The following TNR variants were observed in gnomAD, a reference collection of about 807,000 sequenced individuals.
TNR encodes the protein tenascin R.
In TNR, 45 loss-of-function variants were observed where a neutral mutation model predicts 150.4. The observed-to-expected ratio is 0.30, with a 90% CI of 0.24 to 0.38. The LOEUF (loss-of-function observed/expected upper bound fraction) is 0.38, where lower values mean the gene tolerates loss of function less well. Ranked by LOEUF, TNR falls within the 10% of genes least tolerant of loss-of-function variation. The pLI, the probability that TNR is intolerant of heterozygous loss-of-function variation, is 1.00. For missense variants in TNR, 1,544 were observed against 1,759.1 expected (o/e 0.88, Z 2.19); for synonymous variants, 687 against 678.4 (o/e 1.01, Z -0.20).
At chr1:175,522,892 A>G (rs1324142337) in intron 2 of TNR, among the ~76,000 whole-genome samples, 1 of 152,226 alleles carries the variant, frequency 6.6e-6, no homozygotes, top group Non-Finnish European at 1.5e-5. Context: ...ATACCAATGG[A>G]TAATTTTATA....
At chr1:175,737,452 T>G (rs1213374240) in intron 1 of TNR, among the ~76,000 whole-genome samples, 1 of 152,212 alleles carries the variant, frequency 6.6e-6, no homozygotes, top group African/African-American at 2.4e-5. Context: ...GTTGACTAGC[T>G]TTATCATTAA....
chr1:175,375,689 A>G (rs1312284506), intron 9 of TNR, among the ~76,000 whole-genome samples: 1 of 152,162 alleles, frequency 6.6e-6, no homozygotes, highest in Non-Finnish European at 1.5e-5. Context: ...TGGCAAATAC[A>G]GGTGCCATAG....
intron 1 of TNR, among the ~76,000 whole-genome samples, chr1:175,647,119 G>C (rs185262696): frequency 1.1e-3 from 162 of 152,334 alleles, no homozygotes; most frequent in African/African-American, 3.8e-3. Flanking sequence ...GGCAGGCTCT[G>C]CCTGCAATAA....
intron 1 of TNR, among the ~76,000 whole-genome samples, chr1:175,732,193 C>T (rs1269032094): frequency 6.6e-6 from 1 of 152,222 alleles, no homozygotes; most frequent in African/African-American, 2.4e-5. Context: ...ATCTGCCTTC[C>T]ATATTCCTGC....
intron 9 of TNR, among the ~76,000 whole-genome samples, chr1:175,374,760 AG>A (rs1483260951): frequency 6.6e-6 from 1 of 152,226 alleles, no homozygotes; most frequent in Admixed American, 6.5e-5. Flanking sequence ...ATGAGGCCTA[AG>A]GCAGGTGCCC....
intron 2 of TNR, among the ~76,000 whole-genome samples, chr1:175,517,675 T>C (rs187850730): frequency 8.5e-5 from 13 of 152,292 alleles, no homozygotes; most frequent in Admixed American, 3.9e-4. Context: ...TTGGTTTTAG[T>C]ATAGTTAGTC....
At chr1:175,645,920 A>T (rs1441428111) in intron 1 of TNR, among the ~76,000 whole-genome samples, 2 of 151,360 alleles carry the variant, frequency 1.3e-5, no homozygotes, top group African/African-American at 4.9e-5. Flanking sequence ...CCTGCATATA[A>T]GACAAAGCCG....
chr1:175,605,575 T>C (rs1663379904), intron 1 of TNR, among the ~76,000 whole-genome samples: 1 of 152,222 alleles, frequency 6.6e-6, no homozygotes. Context: ...TAATTCAGTC[T>C]GTTAAATGCT....
chr1:175,573,946 C>CA (rs1471834189), intron 1 of TNR, among the ~76,000 whole-genome samples: 10 of 152,218 alleles, frequency 6.6e-5, no homozygotes, highest in Non-Finnish European at 1.2e-4. Context: ...CAAAAAACCT[C>CA]AGTCTTCTTC....
intron 2 of TNR, among the ~76,000 whole-genome samples, chr1:175,484,190 A>G (rs1210825334): frequency 6.6e-6 from 1 of 152,202 alleles, no homozygotes; most frequent in Non-Finnish European, 1.5e-5. Flanking sequence ...TACTGGGAAA[A>G]TGAAAACCAT....
chr1:175,717,642 G>A (rs1163445018), intron 1 of TNR, among the ~76,000 whole-genome samples: 2 of 152,146 alleles, frequency 1.3e-5, no homozygotes, highest in African/African-American at 4.8e-5. Flanking sequence ...ATGCACTAAG[G>A]TGTGGGACCT....
intron 2 of TNR, among the ~76,000 whole-genome samples, chr1:175,429,662 C>A (rs1466948053): frequency 6.6e-6 from 1 of 152,136 alleles, no homozygotes; most frequent in Non-Finnish European, 1.5e-5. Flanking sequence ...ACATGAAACA[C>A]TCTTTGTAAA....
At chr1:175,695,428 C>A (rs1666486736) in intron 1 of TNR, among the ~76,000 whole-genome samples, 1 of 151,304 alleles carries the variant, frequency 6.6e-6, no homozygotes, top group Non-Finnish European at 1.5e-5. Flanking sequence ...GCTCCACAAT[C>A]CCTGACCCAC....
chr1:175,397,992 G>A (rs896830965), intron 4 of TNR, among the ~76,000 whole-genome samples: 2 of 152,170 alleles, frequency 1.3e-5, no homozygotes, highest in Non-Finnish European at 2.9e-5. Flanking sequence ...ATATGTAGTG[G>A]AGGCTTCGAT....
In TNR at chr1:175,612,830, A is replaced by G. The variant is rs376158498; in HGVS notation, c.-164-84461T>C. On this transcript the variant is annotated intron_variant, in intron 1 of 22. Transcript: ENST00000367674. ...TGACTTTCTTTAATATTCTTTTTCC[A>G]TTAGTGAACTTGATTCCAATCATTT... Among the ~76,000 whole-genome samples the G allele has an allele frequency of 5.3e-5, 8 of 152,300 alleles. No homozygotes were observed. In the East Asian group the frequency reaches 1.5e-3, roughly 29 times the overall value.
chr1:175,448,458 C>T (rs1052883658), intron 2 of TNR, among the ~76,000 whole-genome samples: 2 of 152,170 alleles, frequency 1.3e-5, no homozygotes, highest in Non-Finnish European at 2.9e-5. Context: ...GATCCGCCCA[C>T]CTCAGCCTCC....
At chr1:175,576,757 A>G (rs1021335480) in intron 1 of TNR, among the ~76,000 whole-genome samples, 1 of 152,124 alleles carries the variant, frequency 6.6e-6, no homozygotes, top group Non-Finnish European at 1.5e-5. Context: ...ATCCTACTTC[A>G]TTTTTGAGAC....
chr1:175,417,054 A>AGAAAGAAAGAAAGAAG (rs1654515093), intron 2 of TNR, among the ~76,000 whole-genome samples: 1 of 103,246 alleles, frequency 9.7e-6, no homozygotes, highest in African/African-American at 3.4e-5. Context: ...AAAGAAAGAA[A>AGAAAGAAAGAAAGAAG]GAAAGAAAGA....
chr1:175,438,957 A>C (rs1258817297), intron 2 of TNR, among the ~76,000 whole-genome samples: 1 of 152,266 alleles, frequency 6.6e-6, no homozygotes, highest in East Asian at 1.9e-4. Context: ...GCCCAAGGTA[A>C]TTTATAGATT....
Sources: gnomAD v4.1 joint callset for allele counts (sites outside exome capture counted in the v4.1 genomes callset) on GRCh38, gnomAD v4.1.1 for gene constraint, MANE v1.5 for transcripts, NCBI Gene and HGNC (gene_info 2026-07-23, HGNC 2026-07-21) for gene names.